Variants in PDGFRA observed in about 807,000 individuals in gnomAD.
PDGFRA encodes the protein platelet-derived growth factor receptor alpha.
In PDGFRA, 25 loss-of-function variants were observed where a neutral mutation model predicts 121.5. The ratio of observed to expected loss-of-function variants is 0.21; its 90% CI spans 0.15 to 0.29. The LOEUF is 0.29. PDGFRA is among the 10% of genes least tolerant of loss of function. The pLI is 1.00. For synonymous variants in PDGFRA, 463 were observed against 494.8 expected, an observed-to-expected ratio of 0.94 and a Z score of 0.85; for missense variants, 1,008 against 1,345.1, an observed-to-expected ratio of 0.75 and a Z score of 3.92.
At chr4:54,233,935 G>A (rs1188577576) in intron 1 of PDGFRA, among the ~76,000 whole-genome samples, 2 of 152,244 alleles carry the variant, frequency 1.3e-5, no homozygotes, top group African/African-American at 4.8e-5. Context: ...GTTTATGGGG[G>A]CGGCGGTGGC....
At chr4:54,279,053 T>TAC (rs775059630) in intron 15 of PDGFRA, 170 of 330,764 alleles carry the variant, frequency 5.1e-4, no homozygotes, top group Non-Finnish European at 8.8e-4. Flanking sequence ...GGGTGCTAAA[T>TAC]TGATTGGGTA....
At chr4:54,249,548 G>A (rs931484418) in intron 1 of PDGFRA, among the ~76,000 whole-genome samples, 2 of 151,978 alleles carry the variant, frequency 1.3e-5, no homozygotes, top group African/African-American at 2.4e-5. Flanking sequence ...AAAACCAAAT[G>A]CCGCATATTC....
At chr4:54,271,722 TTTCC>T (rs910572864) in intron 8 of PDGFRA, among the ~76,000 whole-genome samples, 10 of 145,502 alleles carry the variant, frequency 6.9e-5, no homozygotes, top group East Asian at 2.0e-4. Flanking sequence ...TCTCTTTTTC[TTTCC>T]TTCCTTCCTT....
chr4:54,297,877 A>G lies in PDGFRA; in HGVS notation c.*2605A>G. 1 of 233,424 alleles carries G rather than the reference A, an allele frequency of 4.3e-6. No individual in the cohort carries two copies. 14.5% of individuals were successfully genotyped at this position (233,424 alleles called of 1,614,324 possible). On this transcript the variant is annotated 3_prime_UTR_variant, in exon 23 of 23. Coordinates refer to ENST00000257290, the MANE Select transcript of PDGFRA (RefSeq NM_006206.6). ...AATGGTCCTATTTTTGTGAAGAGGGACATAAGATAAAATGATGTTATACAT... is the reference window on the plus strand; with the variant it reads ...AATGGTCCTATTTTTGTGAAGAGGGGCATAAGATAAAATGATGTTATACAT...
chr4:54,239,279 G>A (rs1017008795), intron 1 of PDGFRA, among the ~76,000 whole-genome samples: 3 of 152,214 alleles, frequency 2.0e-5, no homozygotes, highest in East Asian at 1.9e-4. Flanking sequence ...CTTGTTGAGC[G>A]TATAATCAAG....
intron 19 of PDGFRA, among the ~76,000 whole-genome samples, chr4:54,288,561 A>G (rs1724465793): frequency 6.6e-6 from 1 of 151,942 alleles, no homozygotes; most frequent in African/African-American, 2.4e-5. Flanking sequence ...GCTTATTTCT[A>G]AAGATGTAGA....
At position 54,270,751 on chromosome 4, in the gene PDGFRA, A is replaced by G. The variant is rs760562117; in HGVS notation, c.1237+3A>G. On this transcript the variant is annotated splice_donor_region_variant and intron_variant, in intron 8 of 22. Coordinates refer to ENST00000257290, the MANE Select transcript of PDGFRA (RefSeq NM_006206.6). ...TACTTTTGAACTGTTAACTCAAGGTATGTAAAGGGAGTATAAAGATAATGC... is the reference window on the plus strand; with the variant it reads ...TACTTTTGAACTGTTAACTCAAGGTGTGTAAAGGGAGTATAAAGATAATGC... 4 of 1,452,096 alleles carry G rather than the reference A, an allele frequency of 2.8e-6. No individual in the cohort carries two copies. The highest frequency in any genetic ancestry group is 3.9e-6 in the Non-Finnish European group (4 of 1,032,386). 90.0% of individuals were successfully genotyped at this position (1,452,096 alleles called of 1,614,324 possible).
chr4:54,277,203 A>G (rs1200452825), intron 12 of PDGFRA, 185 bp from the exon 13 acceptor site: 3 of 652,984 alleles, frequency 4.6e-6, no homozygotes, highest in Non-Finnish European at 8.4e-6. Context: ...AAAAGCAATT[A>G]TGCTAATTTC....
rs1222128776 is a variant in PDGFRA at position 54,261,352 on chromosome 4, A to G, written c.307A>G (p.Asn103Asp). The change falls in exon 3 of 23, where the codon AAC (asparagine) becomes GAC (aspartate). Residue 103 changes from asparagine to aspartate, a missense_variant. Physicochemically the swap from Asn to Asp is conservative, Grantham distance 23 (BLOSUM62 1). Transcript: ENST00000257290. ...AHTGLYTCYY[N>D]HTQTEENELE... ...CACAGGGTTGTACACTTGCTATTAC[A>G]ACCACACTCAGACAGAAGAGAATGA... 1.2e-6 allele frequency: 2 copies of G among 1,614,116 alleles called. No homozygotes were observed. The highest frequency in any genetic ancestry group is 1.7e-4 in the Middle Eastern group (1 of 6,060).
rs755886035 is a variant in PDGFRA, at chr4:54,261,333, G to A, written c.288G>A (p.Gly96=). 1 of 1,614,066 alleles carries A rather than the reference G, an allele frequency of 6.2e-7. No individual in the cohort carries two copies. The change falls in exon 3 of 23, where the codon GGG becomes GGA. Residue 96 remains glycine (G), a synonymous_variant. Coordinates refer to ENST00000257290, the MANE Select transcript of PDGFRA (RefSeq NM_006206.6). ...EVSSASAAHT[G]LYTCYYNHTQ... Reference sequence around the variant, plus strand: ...GCAGTGCCTCGGCGGCCCACACAGGGTTGTACACTTGCTATTACAACCACA... The same window carrying A: ...GCAGTGCCTCGGCGGCCCACACAGGATTGTACACTTGCTATTACAACCACA...
chr4:54,285,812 C>A (rs1257915393), intron 17 of PDGFRA, 29 bp from the exon 18 acceptor site: 1 of 1,613,140 alleles, frequency 6.2e-7, no homozygotes, highest in South Asian at 1.1e-5. Flanking sequence ...ATGGCTTGAT[C>A]CTGAGTCATT....
rs974033003 is a variant in PDGFRA, at chr4:54,274,536, C to T, written c.1564C>T (p.Arg522Cys). 7 of 1,611,502 alleles carry T rather than the reference C, an allele frequency of 4.3e-6. No homozygotes were observed. Among genetic ancestry groups the T allele is most frequent in the South Asian group, 1.1e-5 (1 of 91,030 alleles). Reference sequence around the variant, plus strand: ...CTCTCTCTCTTGTCACGTAGCCCTGCGTTCTGAACTCACGGTGGCTGCTGC... The same window carrying T: ...CTCTCTCTCTTGTCACGTAGCCCTGTGTTCTGAACTCACGGTGGCTGCTGC... ...RELKLVAPTL[R>C]SELTVAAAVL... The change falls in exon 11 of 23, where the codon CGT becomes TGT. Residue 522 changes from arginine to cysteine, a missense_variant. Coordinates refer to ENST00000257290, the MANE Select transcript of PDGFRA (RefSeq NM_006206.6).
rs138257527 is a variant in PDGFRA at position 54,263,994 on chromosome 4, ATT to A, written c.628+81_628+82del. On this transcript the variant is annotated intron_variant, in intron 4 of 22. Transcript: ENST00000257290. ...GGCAAAATCATAAGGTGCGTGTAGG[ATT>A]TTTTTTTTTTTTTAAATCATCATCA... is the stretch of plus-strand genomic sequence containing the variant. 4,794 of 1,180,928 alleles carry A rather than the reference ATT, an allele frequency of 4.1e-3. 2 individuals are homozygous for A. Among genetic ancestry groups the A allele is most frequent in the South Asian group, 4.6e-3 (313 of 67,520 alleles). 73.2% of individuals were successfully genotyped at this position (1,180,928 alleles called of 1,614,324 possible).
intron 1 of PDGFRA, among the ~76,000 whole-genome samples, chr4:54,254,957 G>A (rs1722277846): frequency 2.0e-5 from 3 of 152,180 alleles, no homozygotes; most frequent in African/African-American, 7.2e-5. Flanking sequence ...CTAGGAAATT[G>A]TGGGGGAGGG....
At chr4:54,269,949 G>A (rs184926400) in intron 7 of PDGFRA, among the ~76,000 whole-genome samples, 166 of 152,034 alleles carry the variant, frequency 1.1e-3, no homozygotes, top group Non-Finnish European at 1.7e-3. Flanking sequence ...ATCACACCCA[G>A]CCTATAACTT....
In PDGFRA at chr4:54,286,547, G is replaced by T. The variant is rs193299645; in HGVS notation, c.2562+584G>T. Reference sequence around the variant, plus strand: ...AATTTTTGTATTTTTAGTAGAGACAGGGTTTCACCATGTTGCCCAGACTGG... The same window carrying T: ...AATTTTTGTATTTTTAGTAGAGACATGGTTTCACCATGTTGCCCAGACTGG... On this transcript the variant is annotated intron_variant, in intron 18 of 22. Transcript: ENST00000257290. Among the ~76,000 whole-genome samples the T allele has an allele frequency of 5.3e-3, 802 of 151,992 alleles. 8 individuals are homozygous for T. The highest frequency in any genetic ancestry group is 0.018 in the African/African-American group (725 of 41,424).
chr4:54,233,411 C>T (rs567442001), intron 1 of PDGFRA, among the ~76,000 whole-genome samples: 4 of 152,232 alleles, frequency 2.6e-5, no homozygotes, highest in African/African-American at 9.6e-5. Flanking sequence ...GGACCAGGAG[C>T]CTGGGCTGCG....
intron 12 of PDGFRA, 134 bp from the exon 13 acceptor site, chr4:54,277,254 G>C: frequency 1.4e-6 from 1 of 734,344 alleles, no homozygotes; most frequent in Non-Finnish European, 2.5e-6. Flanking sequence ...ACGATGACTT[G>C]GAGGAGTCAT....
chr4:54,281,676 C>A, intron 16 of PDGFRA: 1 of 1,361,932 alleles, frequency 7.3e-7, no homozygotes, highest in African/African-American at 1.4e-5. Context: ...TTCTGGCCTT[C>A]CGTGACTATC....
Sources: allele counts gnomAD v4.1 joint callset (sites outside exome capture counted in the v4.1 genomes callset), GRCh38; gene constraint gnomAD v4.1.1; transcripts MANE v1.5; gene names NCBI Gene and HGNC (gene_info 2026-07-23, HGNC 2026-07-21).